CCDC93: variants seen among roughly 807,000 people sequenced by gnomAD.
CCDC93 encodes coiled-coil domain-containing protein 93.
CCDC93 carries 61 observed loss-of-function variants against 108.2 expected under a neutral mutation model. The observed-to-expected ratio is 0.56, with a 90% CI of 0.46 to 0.70. The LOEUF (loss-of-function observed/expected upper bound fraction) is 0.70, where lower values mean the gene tolerates loss of function less well. Ranked by LOEUF, CCDC93 falls within the 30% of genes least tolerant of loss-of-function variation. The pLI is 0.00. For synonymous variants in CCDC93, 276 were observed against 260.4 expected (o/e 1.06, Z -0.58); for missense variants, 685 against 764.2 (o/e 0.90, Z 1.22).
chr2:117,926,706 A>C (rs1678118533), intron 23 of CCDC93, among the ~76,000 whole-genome samples: 1 of 152,232 alleles, frequency 6.6e-6, no homozygotes, highest in Non-Finnish European at 1.5e-5. Flanking sequence ...AGGAGCTGGT[A>C]CCATTCCTTC....
At chr2:117,951,808 G>T in intron 13 of CCDC93, 2 of 456,418 alleles carry the variant, frequency 4.4e-6, no homozygotes, top group South Asian at 9.6e-5. Flanking sequence ...CGACAATGCT[G>T]ATGTGAAGTA....
rs528777974 is a variant in CCDC93, at chr2:118,011,328, G to C, written c.42+2626C>G. Among the ~76,000 whole-genome samples, 18 of 152,286 alleles carry C rather than the reference G, an allele frequency of 1.2e-4. 1 individual carries two copies. Among genetic ancestry groups the C allele is most frequent in the African/African-American group, 4.1e-4 (17 of 41,556 alleles). Reference sequence around the variant, plus strand: ...AATAGAGTAGGAGTGGCGTGGGGGAGGTGACAGCACTGAGCTACATCCGTC... The same window carrying C: ...AATAGAGTAGGAGTGGCGTGGGGGACGTGACAGCACTGAGCTACATCCGTC... On this transcript the variant is annotated intron_variant, in intron 1 of 23. Coordinates refer to ENST00000376300, the MANE Select transcript of CCDC93 (RefSeq NM_019044.5).
intron 12 of CCDC93, among the ~76,000 whole-genome samples, chr2:117,956,385 CA>C (rs1360344825): frequency 6.6e-6 from 1 of 152,158 alleles, no homozygotes; most frequent in African/African-American, 2.4e-5. Flanking sequence ...AAGAATGAGT[CA>C]AGACTGCCAT....
chr2:118,000,737 C>A (rs944226840), intron 4 of CCDC93, 84 bp downstream of exon 4: 21 of 817,214 alleles, frequency 2.6e-5, no homozygotes, highest in Non-Finnish European at 3.7e-5. Flanking sequence ...GGATCCAGGA[C>A]AGACGGACCC....
Position 117,916,917 on chromosome 2 carries a change from C to A in CCDC93, c.*3426G>T, listed in dbSNP as rs189569806. On this transcript the variant is annotated 3_prime_UTR_variant, in exon 24 of 24. Transcript: ENST00000376300. ...AAGGCACTTTCCTTGGCAATCCCAA[C>A]CATGGGGACAGATGATGGCATCCAT... 3.3e-5 allele frequency: 5 copies of A among 152,346 alleles called. No homozygotes were observed. The highest frequency in any genetic ancestry group is 2.6e-4 in the Admixed American group (4 of 15,304). The allele number at this position is 152,346 out of a possible 1,614,324, so 9.4% of individuals were successfully genotyped here.
intron 7 of CCDC93, among the ~76,000 whole-genome samples, chr2:117,982,560 G>A (rs1305613995): frequency 2.6e-5 from 4 of 152,118 alleles, no homozygotes; most frequent in African/African-American, 4.8e-5. Context: ...GATGGAATGC[G>A]GACCTAAAAG....
intron 22 of CCDC93, among the ~76,000 whole-genome samples, chr2:117,933,411 T>C (rs940737551): frequency 1.2e-4 from 18 of 152,214 alleles, no homozygotes; most frequent in Non-Finnish European, 1.9e-4. Flanking sequence ...TTATCACCTC[T>C]TCACACCCTA....
intron 11 of CCDC93, among the ~76,000 whole-genome samples, chr2:117,964,032 G>A (rs62161848): frequency 0.013 from 2,055 of 152,256 alleles, 17 homozygotes; most frequent in African/African-American, 0.019. Flanking sequence ...GAGTCGATCC[G>A]AATTCAGGAA....
At chr2:117,968,320 G>C (rs72838014) in intron 11 of CCDC93, among the ~76,000 whole-genome samples, 45 of 152,242 alleles carry the variant, frequency 3.0e-4, no homozygotes, top group Non-Finnish European at 5.9e-4. Context: ...TCAGTTTTCT[G>C]TAAATCAGAG....
chr2:117,950,661 C>T, intron 13 of CCDC93: 1 of 985,398 alleles, frequency 1.0e-6, no homozygotes, highest in Non-Finnish European at 1.2e-6. Context: ...TACTCCTAAC[C>T]TTGATAGGTA....
intron 4 of CCDC93, chr2:117,998,389 T>C (rs1040598547): frequency 1.3e-5 from 2 of 152,204 alleles, no homozygotes; most frequent in Non-Finnish European, 2.9e-5. Flanking sequence ...CATAGTTAAA[T>C]GTATTTAATT....
At chr2:117,950,316 A>ATCTT in intron 13 of CCDC93, 1 of 985,376 alleles carries the variant, frequency 1.0e-6, no homozygotes, top group African/African-American at 1.7e-5. Flanking sequence ...CAGAGCAAGC[A>ATCTT]AAACTAGATA....
At position 117,931,073 on chromosome 2, in the gene CCDC93, C is replaced by T. The variant is rs1678310360; in HGVS notation, c.1806G>A (p.Gln602=). ...NDQYLELLEK[Q]RLYFKTVKEF... ...CTTTCACAGTCTTAAAGTATAGCCT[C>T]TGCTTTTCTAACAGCTCCAAGTACT... is the stretch of plus-strand genomic sequence containing the variant. The change falls in exon 23 of 24, where the codon CAG becomes CAA. Residue 602 remains glutamine (Q), a synonymous_variant. Transcript: ENST00000376300. 6.2e-7 allele frequency: 1 copy of T among 1,613,830 alleles called. No homozygotes were observed. The highest frequency in any genetic ancestry group is 8.5e-7 in the Non-Finnish European group (1 of 1,179,730).
rs6719551 is a variant in CCDC93 at position 117,939,095 on chromosome 2, T to C, written c.1539A>G (p.Lys513=). The change falls in exon 20 of 24, where the codon AAA becomes AAG. Residue 513 remains lysine (K), a synonymous_variant. Coordinates refer to ENST00000376300, the MANE Select transcript of CCDC93 (RefSeq NM_019044.5). ...ELYRQISAVH[K]ETKQFFTLYN... is the part of the protein sequence containing the mutation. ...ATAAAGTGAAGAACTGCTTGGTTTC[T>C]TTGTGCACTGCTGAAACTGTAAAAG... 3.8e-3 allele frequency: 6,038 copies of C among 1,606,214 alleles called. 203 individuals are homozygous for C. The African/African-American group carries it at 0.073, about 19-fold the overall frequency.
intron 7 of CCDC93, among the ~76,000 whole-genome samples, chr2:117,981,459 T>C (rs996733907): frequency 6.6e-6 from 1 of 152,230 alleles, no homozygotes; most frequent in Non-Finnish European, 1.5e-5. Flanking sequence ...CAGTGCCGCA[T>C]GCTTCCATTT....
At chr2:117,925,581 A>G (rs1473610006) in intron 23 of CCDC93, among the ~76,000 whole-genome samples, 4 of 152,240 alleles carry the variant, frequency 2.6e-5, no homozygotes, top group Non-Finnish European at 5.9e-5. Context: ...ACTATCCTGA[A>G]TATATATGCA....
rs1280029164 is a variant in CCDC93 at position 118,008,462 on chromosome 2, C to G, written c.156+83G>C. On this transcript the variant is annotated intron_variant, in intron 2 of 23. Coordinates refer to ENST00000376300, the MANE Select transcript of CCDC93 (RefSeq NM_019044.5). ...ACAGACATGGAAGAAGTTAAAACAT[C>G]ATCTTTTCCTCCTTTCTTTGCCATG... 11 of 795,862 alleles carry G rather than the reference C, an allele frequency of 1.4e-5. No individual in the cohort carries two copies. In the Middle Eastern group the frequency reaches 1.2e-3, roughly 85 times the overall value. The allele number at this position is 795,862 out of a possible 1,614,324, so 49.3% of individuals were successfully genotyped here. A position where few individuals can be genotyped will look rare whatever the true frequency, so the allele number is the denominator to read the frequency against.
intron 11 of CCDC93, among the ~76,000 whole-genome samples, chr2:117,968,404 C>T (rs1419982894): frequency 6.6e-6 from 1 of 152,184 alleles, no homozygotes; most frequent in Admixed American, 6.5e-5. Flanking sequence ...ACCAAAAGCA[C>T]ACTGGTACTT....
chr2:117,952,387 T>C lies in CCDC93; in HGVS notation c.1054A>G (p.Lys352Glu). ...SLQARYNEAK[K>E]TLTELKTYSE... Reference sequence around the variant, plus strand: ...TATCTGCTCACCTCTGTCAGCGTTTTCTTGGCTTCATTATATCTGGCTTGT... The same window carrying C: ...TATCTGCTCACCTCTGTCAGCGTTTCCTTGGCTTCATTATATCTGGCTTGT... Residue 352 changes from lysine (K) to glutamate (E), a missense_variant, in exon 13 of 24, where the codon AAA becomes GAA. By Grantham distance (56) the Lys-to-Glu change is moderately conservative (BLOSUM62 1). Coordinates refer to ENST00000376300, the MANE Select transcript of CCDC93 (RefSeq NM_019044.5). 2 of 1,612,862 alleles carry C rather than the reference T, an allele frequency of 1.2e-6. No individual in the cohort carries two copies. Among genetic ancestry groups the C allele is most frequent in the Admixed American group, 1.7e-5 (1 of 60,028 alleles).
Sources: gnomAD v4.1 joint callset for allele counts (sites outside exome capture counted in the v4.1 genomes callset) on GRCh38, gnomAD v4.1.1 for gene constraint, MANE v1.5 for transcripts, NCBI Gene and HGNC (gene_info 2026-07-23, HGNC 2026-07-21) for gene names.